The following KDM2B variants were observed in gnomAD, a reference collection of about 807,000 sequenced individuals.
KDM2B encodes the protein lysine demethylase 2B, also known as lysine-specific demethylase 2B.
In KDM2B, 26 loss-of-function variants were observed where a neutral mutation model predicts 150.0. That is an observed-to-expected ratio of 0.17 (90% CI 0.13 to 0.24). The LOEUF (loss-of-function observed/expected upper bound fraction) is 0.24. KDM2B is among the 10% of genes least tolerant of loss of function. KDM2B has a pLI of 1.00. For missense variants in KDM2B, 1,265 were observed against 1,816.9 expected (o/e 0.70, Z 5.52); for synonymous variants, 734 against 729.5 (o/e 1.01, Z -0.10).
chr12:121,441,050 G>A lies in KDM2B; in HGVS notation c.3448+20C>T, dbSNP rs1555288083. 6.2e-7 allele frequency: 1 copy of A among 1,613,638 alleles called. No individual in the cohort carries two copies. The highest frequency in any genetic ancestry group is 2.2e-5 in the East Asian group (1 of 44,876). On this transcript the variant is annotated intron_variant, in intron 20 of 22. Coordinates refer to ENST00000377071, the MANE Select transcript of KDM2B (RefSeq NM_032590.5). ...CCTCACTGCAGCAGACACACTCGGG[G>A]CCACTGGCCCAGGGCTCACCAGGCA...
intron 12 of KDM2B, among the ~76,000 whole-genome samples, chr12:121,473,244 T>C (rs560754106): frequency 6.6e-6 from 1 of 151,748 alleles, no homozygotes; most frequent in Admixed American, 6.6e-5. Flanking sequence ...TACAAAAAAT[T>C]AGCCGGGTGT....
the KDM2B span, chr12:121,420,678 G>T: frequency 6.2e-7 from 1 of 1,614,154 alleles, no homozygotes; most frequent in East Asian, 2.2e-5. Context: ...AGGAAATTCT[G>T]GCTCGGAATT....
intron 4 of KDM2B, among the ~76,000 whole-genome samples, chr12:121,564,674 C>T (rs1890572074): frequency 6.6e-6 from 1 of 151,998 alleles, no homozygotes; most frequent in African/African-American, 2.4e-5. Context: ...GAATAGAAAA[C>T]TCCGTATAAT....
chr12:121,516,152 C>T (rs1448385521), intron 9 of KDM2B, among the ~76,000 whole-genome samples: 1 of 152,090 alleles, frequency 6.6e-6, no homozygotes, highest in Non-Finnish European at 1.5e-5. Context: ...CAGACCTCAT[C>T]CACATTTCCT....
At chr12:121,574,653 C>G in intron 3 of KDM2B, 60 bp from the exon 4 acceptor site, 1 of 1,527,620 alleles carries the variant, frequency 6.5e-7, no homozygotes, top group Non-Finnish European at 9.0e-7. Context: ...GCTAGACTAC[C>G]CTGGGCCCGG....
intron 10 of KDM2B, among the ~76,000 whole-genome samples, chr12:121,511,031 GAC>G (rs1365225089): frequency 6.7e-6 from 1 of 149,128 alleles, no homozygotes; most frequent in Non-Finnish European, 1.5e-5. Flanking sequence ...TTTTTTTTGA[GAC>G]AGAGTCTCGC....
At chr12:121,538,581 T>C (rs1555309165) in intron 6 of KDM2B, among the ~76,000 whole-genome samples, 1 of 152,172 alleles carries the variant, frequency 6.6e-6, no homozygotes, top group African/African-American at 2.4e-5. Flanking sequence ...CCCTACATCA[T>C]AGCATGGTTG....
intron 6 of KDM2B, among the ~76,000 whole-genome samples, chr12:121,541,849 G>T (rs1472661864): frequency 7.2e-5 from 11 of 152,042 alleles, no homozygotes; most frequent in African/African-American, 2.4e-4. Flanking sequence ...GAGCAAAGGA[G>T]GGGAGGAGAC....
intron 4 of KDM2B, among the ~76,000 whole-genome samples, chr12:121,573,152 TCTCA>T (rs1390391269): frequency 3.4e-5 from 5 of 145,722 alleles, no homozygotes; most frequent in African/African-American, 1.3e-4. Context: ...AGAGATGGGG[TCTCA>T]CTATGTTGCC....
rs782117767 is a variant in KDM2B, at chr12:121,444,455, C to T, written c.2185G>A (p.Gly729Arg). Residue 729 changes from glycine to arginine, a missense_variant, in exon 15 of 23, where the codon GGG (glycine) becomes AGG (arginine). By Grantham distance (125) the Gly-to-Arg change is moderately radical. This residue lies in a region of KDM2B where 38 missense variants were observed against 98.1 expected (regional missense o/e 0.39). Coordinates refer to ENST00000377071, the MANE Select transcript of KDM2B (RefSeq NM_032590.5). ...CPKCNHAGKT[G>R]KQKRGPGFKY... ...ACTTGGAGCCCGGCACTCACTTTCC[C>T]GGTCTTGCCGGCGTGGTTACACTTC... 10 of 1,614,122 alleles carry T rather than the reference C, an allele frequency of 6.2e-6. No homozygotes were observed. Among genetic ancestry groups the T allele is most frequent in the South Asian group, 2.2e-5 (2 of 91,064 alleles).
At chr12:121,415,874 A>C in the KDM2B span, among the ~76,000 whole-genome samples, 11 of 123,016 alleles carry the variant, frequency 8.9e-5, no homozygotes, top group African/African-American at 3.3e-4. Context: ...ATGCCTGTGT[A>C]CATGTATCTG....
rs1419488629 is a variant in KDM2B, at chr12:121,521,624, C to A, written c.932-524G>T. Among the ~76,000 whole-genome samples, 1 of 152,224 alleles carries A rather than the reference C, an allele frequency of 6.6e-6. No individual in the cohort carries two copies. Among genetic ancestry groups the A allele is most frequent in the African/African-American group, 2.4e-5 (1 of 41,460 alleles). The stretch of plus-strand genomic sequence containing the variant: ...CCAAGTCCATCTTCTTGTCATCAAA[C>A]TCCACCCAGGCCCCTTTCCATGTGG... On this transcript the variant is annotated intron_variant, in intron 8 of 22. Transcript: ENST00000377071. This position sits in a 1 kb window ranked among gnomAD's most constrained non-coding sequence, Gnocchi z 4.9.
chr12:121,443,195 C>G (rs1875483750), intron 17 of KDM2B, 165 bp from the exon 18 acceptor site: 1 of 654,152 alleles, frequency 1.5e-6, no homozygotes, highest in Non-Finnish European at 2.7e-6. Context: ...CGGGCGAGCC[C>G]TGCCTGCAGC....
intron 9 of KDM2B, among the ~76,000 whole-genome samples, chr12:121,517,636 T>G (rs1392203708): frequency 6.6e-6 from 1 of 151,536 alleles, no homozygotes; most frequent in Non-Finnish European, 1.5e-5. Context: ...GCCTGGCTAA[T>G]TTTTGTATTT....
At chr12:121,527,060 T>A (rs1026795677) in intron 8 of KDM2B, among the ~76,000 whole-genome samples, 2 of 151,816 alleles carry the variant, frequency 1.3e-5, no homozygotes, top group South Asian at 2.1e-4. Flanking sequence ...CTTTTTTATA[T>A]TTTTTGAGAC....
intron 8 of KDM2B, among the ~76,000 whole-genome samples, chr12:121,530,144 T>C (rs1594061187): frequency 1.4e-5 from 2 of 138,998 alleles, no homozygotes; most frequent in South Asian, 4.6e-4. Context: ...AGGAGAATGG[T>C]GTGAACCCGG....
At chr12:121,546,591 G>C (rs1386399790) in intron 6 of KDM2B, among the ~76,000 whole-genome samples, 1 of 150,736 alleles carries the variant, frequency 6.6e-6, no homozygotes, top group Non-Finnish European at 1.5e-5. Flanking sequence ...GTTTAGTAGA[G>C]ACGGGGTTTC....
intron 8 of KDM2B, chr12:121,524,647 A>AT (rs1555306466): frequency 2.2e-6 from 1 of 447,430 alleles, no homozygotes; most frequent in Non-Finnish European, 4.5e-6. Context: ...AGGTGTGGAA[A>AT]TAACAGCGTT....
intron 6 of KDM2B, among the ~76,000 whole-genome samples, chr12:121,535,106 G>C (rs1053504858): frequency 6.6e-6 from 1 of 151,656 alleles, no homozygotes; most frequent in East Asian, 1.9e-4. Context: ...GTCCAGCCCC[G>C]AGCCAGCTTT....
Sources: gnomAD v4.1 joint callset for allele counts (sites outside exome capture counted in the v4.1 genomes callset) on GRCh38, gnomAD v4.1.1 for gene constraint, gnomAD v4.1.1 regional missense constraint, Gnocchi (gnomAD v3.1) non-coding constraint, MANE v1.5 for transcripts, NCBI Gene and HGNC (gene_info 2026-07-23, HGNC 2026-07-21) for gene names.